The following PIP4K2A variants were observed in gnomAD, a reference collection of about 807,000 sequenced individuals.
PIP4K2A encodes the protein phosphatidylinositol 5-phosphate 4-kinase type-2 alpha.
In PIP4K2A, 14 loss-of-function variants were observed where a neutral mutation model predicts 42.9. The observed-to-expected ratio is 0.33, with a 90% CI of 0.22 to 0.51. The LOEUF is 0.51. PIP4K2A is among the 20% of genes least tolerant of loss of function. The pLI is 0.97. For synonymous variants in PIP4K2A, 192 were observed against 192.2 expected (o/e 1.00, Z 0.01); for missense variants, 434 against 519.8 (o/e 0.83, Z 1.61).
intron 1 of PIP4K2A, among the ~76,000 whole-genome samples, chr10:22,688,413 A>G (rs1839801749): frequency 6.6e-6 from 1 of 152,190 alleles, no homozygotes; most frequent in African/African-American, 2.4e-5. Context: ...TAGTAGTGAC[A>G]GTATCTGGTG....
At chr10:22,570,454 C>G (rs1030678848) in intron 5 of PIP4K2A, among the ~76,000 whole-genome samples, 1 of 152,132 alleles carries the variant, frequency 6.6e-6, no homozygotes, top group Non-Finnish European at 1.5e-5. Context: ...TGGCAAGGGC[C>G]CTGGAGGATG....
At chr10:22,556,991 GAGATGCACACTCAGCTGAGTC>G (rs1352894592) in intron 6 of PIP4K2A, among the ~76,000 whole-genome samples, 1 of 152,124 alleles carries the variant, frequency 6.6e-6, no homozygotes, top group African/African-American at 2.4e-5. Flanking sequence ...TGTGCGAAGT[GAGATGCACACTCAGCTGAGTC>G]AGAGCCTGAA....
At chr10:22,583,105 T>C (rs777600543) in intron 4 of PIP4K2A, among the ~76,000 whole-genome samples, 69 of 152,202 alleles carry the variant, frequency 4.5e-4, no homozygotes, top group Non-Finnish European at 9.0e-4. Context: ...CTCATTCAAT[T>C]TGTGACACAC....
At chr10:22,605,674 C>T (rs1297479437) in intron 3 of PIP4K2A, among the ~76,000 whole-genome samples, 2 of 151,956 alleles carry the variant, frequency 1.3e-5, no homozygotes, top group Non-Finnish European at 2.9e-5. Flanking sequence ...GATGCATGGG[C>T]CCTCAAAAGT....
intron 1 of PIP4K2A, among the ~76,000 whole-genome samples, chr10:22,707,463 C>A (rs932821476): frequency 2.0e-4 from 30 of 152,216 alleles, no homozygotes; most frequent in African/African-American, 7.0e-4. Flanking sequence ...TCTCTCCCTA[C>A]ATGCTCTGAA....
At chr10:22,684,188 G>C (rs12246676) in intron 1 of PIP4K2A, among the ~76,000 whole-genome samples, 19,448 of 152,046 alleles carry the variant, frequency 0.13, 1,499 homozygotes, top group South Asian at 0.22. Context: ...TTCCCCACTG[G>C]CTTGCTGTTT....
chr10:22,605,843 T>TAA (rs5783801), intron 3 of PIP4K2A, among the ~76,000 whole-genome samples: 11 of 146,194 alleles, frequency 7.5e-5, no homozygotes, highest in Non-Finnish European at 1.5e-4. Flanking sequence ...TTAATTCCTT[T>TAA]AAAAAAAAAA....
At chr10:22,714,088 TC>T in intron 1 of PIP4K2A, 94 bp downstream of exon 1, 1 of 1,316,378 alleles carries the variant, frequency 7.6e-7, no homozygotes, top group African/African-American at 1.5e-5. Context: ...TGACTCCGGC[TC>T]CCCGCCCCGC....
intron 1 of PIP4K2A, among the ~76,000 whole-genome samples, chr10:22,683,036 T>G (rs1839692865): frequency 6.6e-6 from 1 of 151,194 alleles, no homozygotes; most frequent in African/African-American, 2.5e-5. Flanking sequence ...AGGCCATTTC[T>G]GAAGCCAAAA....
rs1467675402 is a variant in PIP4K2A, at chr10:22,607,988, T to C, written c.278A>G (p.Tyr93Cys). The C allele has an allele frequency of 6.2e-7, 1 of 1,612,952 alleles. No homozygotes were observed. Among genetic ancestry groups the C allele is most frequent in the East Asian group, 2.2e-5 (1 of 44,858 alleles). ...NMPSHFKFKE[Y>C]CPMVFRNLRE... is the part of the protein sequence containing the mutation. The stretch of plus-strand genomic sequence containing the variant: ...CAGGTTACGGAAGACCATCGGGCAG[T>C]ATTCCTTAAACTTGAAATGGCTCGG... Residue 93 changes from tyrosine to cysteine, a missense_variant, in exon 3 of 10, where the codon TAC (tyrosine) becomes TGC (cysteine). Physicochemically the swap from Tyr to Cys is radical, Grantham distance 194. Coordinates refer to ENST00000376573, the MANE Select transcript of PIP4K2A (RefSeq NM_005028.5).
intron 1 of PIP4K2A, among the ~76,000 whole-genome samples, chr10:22,684,868 T>C (rs569869245): frequency 1.6e-4 from 24 of 152,366 alleles, no homozygotes; most frequent in South Asian, 4.1e-4. Context: ...GCACTGCTTA[T>C]GGACATCTTG....
At chr10:22,709,167 T>C (rs1179642888) in intron 1 of PIP4K2A, among the ~76,000 whole-genome samples, 1 of 152,112 alleles carries the variant, frequency 6.6e-6, no homozygotes, top group East Asian at 1.9e-4. Context: ...GAAACAGGGA[T>C]CTGGTTCTTT....
At chr10:22,653,881 A>G (rs555061603) in intron 1 of PIP4K2A, among the ~76,000 whole-genome samples, 1 of 152,302 alleles carries the variant, frequency 6.6e-6, no homozygotes, top group East Asian at 1.9e-4. Context: ...CTCAAAATAA[A>G]TAAATAAATA....
chr10:22,594,684 G>A (rs919787057), intron 3 of PIP4K2A, among the ~76,000 whole-genome samples: 1 of 152,224 alleles, frequency 6.6e-6, no homozygotes, highest in East Asian at 1.9e-4. Context: ...ACAGGCATGA[G>A]CCACCATGCC....
chr10:22,608,996 C>T (rs1564441175), intron 2 of PIP4K2A, among the ~76,000 whole-genome samples: 1 of 152,198 alleles, frequency 6.6e-6, no homozygotes, highest in African/African-American at 2.4e-5. Context: ...TACATATGCA[C>T]ACACCCCTCC....
At chr10:22,705,752 G>A (rs531196211) in intron 1 of PIP4K2A, among the ~76,000 whole-genome samples, 1 of 152,104 alleles carries the variant, frequency 6.6e-6, no homozygotes, top group East Asian at 1.9e-4. Flanking sequence ...CACACCCAAA[G>A]CCAACTACTC....
At chr10:22,640,314 ACAAGGTACTATTTTGGTAC>A (rs1242459149) in intron 1 of PIP4K2A, among the ~76,000 whole-genome samples, 3 of 152,182 alleles carry the variant, frequency 2.0e-5, no homozygotes, top group Admixed American at 2.0e-4. Context: ...CCTTGGTAGC[ACAAGGTACTATTTTGGTAC>A]CAAAAGAAAC....
chr10:22,701,301 A>C (rs7078735), intron 1 of PIP4K2A, among the ~76,000 whole-genome samples: 13,498 of 152,162 alleles, frequency 0.089, 1,586 homozygotes, highest in African/African-American at 0.27. Context: ...CTGTTACCTA[A>C]CAGTCACCAA....
At chr10:22,608,191 C>A (rs117086225) in intron 2 of PIP4K2A, among the ~76,000 whole-genome samples, 168 bp from the exon 3 acceptor site, 14 of 152,354 alleles carry the variant, frequency 9.2e-5, no homozygotes, top group Non-Finnish European at 2.1e-4. Flanking sequence ...ATCCAGGAGA[C>A]ACAGGGGGCC....
Sources: gnomAD v4.1 joint callset for allele counts (sites outside exome capture counted in the v4.1 genomes callset) on GRCh38, gnomAD v4.1.1 for gene constraint, MANE v1.5 for transcripts, NCBI Gene and HGNC (gene_info 2026-07-23, HGNC 2026-07-21) for gene names.